Variants in CHODL observed in about 807,000 individuals in gnomAD.
The protein encoded by CHODL is chondrolectin, also known as transmembrane protein MT75.
A neutral mutation model predicts 34.5 loss-of-function variants in CHODL; 29 were observed. That is an observed-to-expected ratio of 0.84 (90% CI 0.63 to 1.15). The LOEUF (loss-of-function observed/expected upper bound fraction) is 1.15, where lower values mean the gene tolerates loss of function less well. CHODL is among the 50% of genes most tolerant of loss of function. CHODL has a pLI of 0.00. For missense variants in CHODL, 332 were observed against 332.5 expected (o/e 1.00, Z 0.01); for synonymous variants, 125 against 116.1 (o/e 1.08, Z -0.49).
chr21:18,066,305 TA>T (rs1442002297), intron 2 of CHODL, among the ~76,000 whole-genome samples: 1 of 152,216 alleles, frequency 6.6e-6, no homozygotes, highest in Admixed American at 6.5e-5. Context: ...ATGGATACTC[TA>T]GCAATTTATT....
intron 2 of CHODL, among the ~76,000 whole-genome samples, chr21:18,161,054 G>A (rs975313905): frequency 6.6e-6 from 1 of 151,986 alleles, no homozygotes; most frequent in Non-Finnish European, 1.5e-5. Flanking sequence ...ATCTCATTGT[G>A]GTTTTGATTT....
chr21:18,208,081 G>T (rs1488511063), intron 2 of CHODL, among the ~76,000 whole-genome samples: 1 of 151,210 alleles, frequency 6.6e-6, no homozygotes, highest in Admixed American at 6.6e-5. Context: ...CCTCTTTAAG[G>T]TGTATAACTT....
intron 2 of CHODL, among the ~76,000 whole-genome samples, chr21:18,052,945 G>C (rs1262388798): frequency 4.0e-5 from 6 of 151,884 alleles, no homozygotes; most frequent in African/African-American, 1.4e-4. Flanking sequence ...GTCTAGATAG[G>C]TTTTCAAACA....
chr21:18,163,806 A>C (rs953278166), intron 2 of CHODL, among the ~76,000 whole-genome samples: 1 of 152,216 alleles, frequency 6.6e-6, no homozygotes, highest in African/African-American at 2.4e-5. Context: ...GTTAAAAAAA[A>C]GGCTTTCACT....
chr21:17,988,402 T>A (rs1188170986), intron 1 of CHODL, among the ~76,000 whole-genome samples: 29 of 140,100 alleles, frequency 2.1e-4, no homozygotes, highest in Admixed American at 3.6e-4. Flanking sequence ...TTCCTTTTTT[T>A]TTATTATTAT....
Position 18,018,662 on chromosome 21 carries a change from A to T in CHODL, c.-144-9210A>T, listed in dbSNP as rs529665958. ...CCAATTAAACCTATTTTCTTTATAA[A>T]TTACCCAGTTTCAGGTGTTTCTTTA... On this transcript the variant is annotated intron_variant, in intron 1 of 6. Coordinates refer to the CHODL transcript ENST00000400127. Among the ~76,000 whole-genome samples, 7 of 152,264 alleles carry T rather than the reference A, an allele frequency of 4.6e-5. 1 individual carries two copies. The South Asian group carries it at 1.5e-3, about 32-fold the overall frequency.
chr21:18,166,978 A>AT (rs1264586789), intron 2 of CHODL, among the ~76,000 whole-genome samples: 1 of 152,074 alleles, frequency 6.6e-6, no homozygotes, highest in Admixed American at 6.5e-5. Context: ...ATTCTGTGGA[A>AT]TTTTTTGTAG....
intron 1 of CHODL, among the ~76,000 whole-genome samples, chr21:17,971,974 G>T (rs527921392): frequency 6.6e-6 from 1 of 152,050 alleles, no homozygotes; most frequent in Non-Finnish European, 1.5e-5. Flanking sequence ...CGAACAAGTC[G>T]GCTTCATCCC....
intron 2 of CHODL, among the ~76,000 whole-genome samples, chr21:18,082,468 G>C: frequency 6.6e-6 from 1 of 152,136 alleles, no homozygotes; most frequent in African/African-American, 2.4e-5. Context: ...CTTTGGAAGT[G>C]GGTAATGGGT....
At chr21:18,020,516 T>C (rs553225334) in intron 1 of CHODL, among the ~76,000 whole-genome samples, 1 of 152,326 alleles carries the variant, frequency 6.6e-6, no homozygotes, top group East Asian at 1.9e-4. Flanking sequence ...TTCCTCCTTT[T>C]TCTTTTGGCC....
At chr21:17,962,995 C>T (rs906517488) in intron 1 of CHODL, among the ~76,000 whole-genome samples, 3 of 150,960 alleles carry the variant, frequency 2.0e-5, no homozygotes, top group East Asian at 1.9e-4. Context: ...ACCCGGGAGG[C>T]GGAGCTTGCA....
chr21:18,102,377 G>T (rs2065226471), intron 2 of CHODL, among the ~76,000 whole-genome samples: 1 of 152,166 alleles, frequency 6.6e-6, no homozygotes, highest in African/African-American at 2.4e-5. Flanking sequence ...AGTAAGTTTT[G>T]ATTGGATTTT....
chr21:17,993,567 A>G (rs184159724), intron 1 of CHODL, among the ~76,000 whole-genome samples: 2 of 152,240 alleles, frequency 1.3e-5, no homozygotes, highest in Non-Finnish European at 2.9e-5. Flanking sequence ...TTATGGTTAC[A>G]TAATATTCCA....
intron 1 of CHODL, among the ~76,000 whole-genome samples, chr21:17,984,932 G>A (rs572577402): frequency 6.6e-6 from 1 of 152,036 alleles, no homozygotes; most frequent in Non-Finnish European, 1.5e-5. Flanking sequence ...CCCTTCTATT[G>A]ATAAATTGTG....
chr21:17,975,486 T>G lies in CHODL; in HGVS notation c.-144-52386T>G, dbSNP rs373776350. Among the ~76,000 whole-genome samples the G allele has an allele frequency of 3.9e-5, 6 of 152,302 alleles. 1 individual carries two copies. The highest frequency in any genetic ancestry group is 1.3e-4 in the Admixed American group (2 of 15,298). The stretch of plus-strand genomic sequence containing the variant: ...AATCTAACTACTTTAAAATGTTTTA[T>G]AAAGCCTTGCAATGGCTGATTCCTG... On this transcript the variant is annotated intron_variant, in intron 1 of 6. Transcript: ENST00000400127.
intron 2 of CHODL, among the ~76,000 whole-genome samples, chr21:18,045,687 AATCCCCAATGC>A (rs1242878249): frequency 6.6e-6 from 1 of 151,982 alleles, no homozygotes; most frequent in African/African-American, 2.4e-5. Flanking sequence ...GTTGAAACTG[AATCCCCAATGC>A]ATCAGTATTA....
At chr21:18,112,750 A>G (rs183330583) in intron 2 of CHODL, among the ~76,000 whole-genome samples, 11 of 152,210 alleles carry the variant, frequency 7.2e-5, no homozygotes, top group African/African-American at 2.4e-4. Flanking sequence ...CTCTCACCAT[A>G]TACAAAAATC....
chr21:18,229,580 C>T (rs2073960846), intron 2 of CHODL, among the ~76,000 whole-genome samples: 2 of 152,230 alleles, frequency 1.3e-5, no homozygotes, highest in Middle Eastern at 6.8e-3. Flanking sequence ...CAAAACAAAT[C>T]ACATAATCAA....
chr21:17,963,007 T>C (rs2051820750), intron 1 of CHODL, among the ~76,000 whole-genome samples: 1 of 150,640 alleles, frequency 6.6e-6, no homozygotes, highest in African/African-American at 2.5e-5. Flanking sequence ...GAGCTTGCAG[T>C]GAGCTGAGAT....
Sources: allele counts gnomAD v4.1 joint callset (sites outside exome capture counted in the v4.1 genomes callset), GRCh38; gene constraint gnomAD v4.1.1; transcripts MANE v1.5; gene names NCBI Gene and HGNC (gene_info 2026-07-23, HGNC 2026-07-21).